The following ADAMTS19 variants were observed in gnomAD, a reference collection of about 807,000 sequenced individuals.
ADAMTS19 encodes A disintegrin and metalloproteinase with thrombospondin motifs 19.
Under a neutral mutation model 153.3 loss-of-function variants are expected in ADAMTS19, and 93 were observed. The ratio of observed to expected loss-of-function variants is 0.61; its 90% CI spans 0.51 to 0.72. ADAMTS19 has a LOEUF of 0.72. Ranked by LOEUF, ADAMTS19 falls within the 30% of genes least tolerant of loss-of-function variation. The pLI is 0.00. For synonymous variants in ADAMTS19, 600 were observed against 556.6 expected (o/e 1.08, Z -1.10); for missense variants, 1,482 against 1,552.1 (o/e 0.95, Z 0.76).
intron 21 of ADAMTS19, among the ~76,000 whole-genome samples, chr5:129,711,607 C>G: frequency 6.6e-6 from 1 of 151,760 alleles, no homozygotes; most frequent in East Asian, 1.9e-4. Flanking sequence ...ACCCAGGAGG[C>G]AGAGGTTGCA....
At chr5:129,510,567 A>G (rs2126727594) in intron 3 of ADAMTS19, among the ~76,000 whole-genome samples, 1 of 151,946 alleles carries the variant, frequency 6.6e-6, no homozygotes, top group South Asian at 2.1e-4. Flanking sequence ...AACAAGCAAA[A>G]GAAAAGCTTC....
intron 1 of ADAMTS19, 110 bp from the exon 2 acceptor site, chr5:129,460,992 A>G (rs1453529686): frequency 3.2e-6 from 4 of 1,244,942 alleles, no homozygotes; most frequent in Admixed American, 4.1e-5. Context: ...GGTGGTCTCC[A>G]TTGCATTCAA....
chr5:129,534,536 C>G (rs1000699149), intron 6 of ADAMTS19, among the ~76,000 whole-genome samples: 2 of 152,090 alleles, frequency 1.3e-5, no homozygotes, highest in African/African-American at 4.8e-5. Flanking sequence ...CTATTCCAAT[C>G]AATAGAAAAA....
chr5:129,570,367 T>C (rs1753853664), intron 7 of ADAMTS19, among the ~76,000 whole-genome samples: 1 of 151,876 alleles, frequency 6.6e-6, no homozygotes, highest in Admixed American at 6.6e-5. Context: ...AAACAAAACT[T>C]ATCCAAAATA....
chr5:129,702,064 A>G (rs1401992423), intron 20 of ADAMTS19, among the ~76,000 whole-genome samples: 1 of 152,214 alleles, frequency 6.6e-6, no homozygotes, highest in Non-Finnish European at 1.5e-5. Flanking sequence ...TAAGAGTAAT[A>G]TAGCTCAGAG....
At chr5:129,527,003 C>T (rs559990900) in intron 4 of ADAMTS19, among the ~76,000 whole-genome samples, 3 of 151,918 alleles carry the variant, frequency 2.0e-5, no homozygotes, top group South Asian at 2.1e-4. Context: ...CTATTATATA[C>T]GTATGTAAAA....
intron 7 of ADAMTS19, among the ~76,000 whole-genome samples, chr5:129,553,346 C>T (rs1272254548): frequency 6.6e-6 from 1 of 152,132 alleles, no homozygotes; most frequent in African/African-American, 2.4e-5. Context: ...GACAACAGAA[C>T]TTCACATCTT....
In ADAMTS19 at chr5:129,642,030, G is replaced by A. The variant is rs530546164; in HGVS notation, c.1872+70G>A. 7 of 895,486 alleles carry A rather than the reference G, an allele frequency of 7.8e-6. No individual in the cohort carries two copies. In the African/African-American group the frequency reaches 1.2e-4, roughly 15 times the overall value. The allele number at this position is 895,486 out of a possible 1,614,324, so 55.5% of individuals were successfully genotyped here. A position where few individuals can be genotyped will look rare whatever the true frequency, so the allele number is the denominator to read the frequency against. On this transcript the variant is annotated intron_variant, in intron 11 of 22. Transcript: ENST00000274487. ...AACTTGAGAATCTTGCATTTTCTCTGCCAGTTACATTTGTATTCATCTTAG... is the reference window on the plus strand; with the variant it reads ...AACTTGAGAATCTTGCATTTTCTCTACCAGTTACATTTGTATTCATCTTAG...
intron 7 of ADAMTS19, among the ~76,000 whole-genome samples, chr5:129,559,429 T>C (rs1035260397): frequency 6.6e-6 from 1 of 152,028 alleles, no homozygotes; most frequent in Non-Finnish European, 1.5e-5. Flanking sequence ...ACTTCATTAG[T>C]AGTAAAGGAA....
chr5:129,694,614 A>G (rs1405857808), intron 18 of ADAMTS19, 106 bp from the exon 19 acceptor site: 1 of 755,928 alleles, frequency 1.3e-6, no homozygotes, highest in Non-Finnish European at 1.8e-6. Flanking sequence ...TAAATTATAA[A>G]AAAGTTTTTT....
chr5:129,684,696 G>A (rs988131394), intron 18 of ADAMTS19, among the ~76,000 whole-genome samples: 1 of 152,104 alleles, frequency 6.6e-6, no homozygotes, highest in Admixed American at 6.5e-5. Context: ...TTGAATATAA[G>A]AATTATTTGG....
At chr5:129,580,969 C>T (rs1478079197) in intron 7 of ADAMTS19, among the ~76,000 whole-genome samples, 1 of 152,090 alleles carries the variant, frequency 6.6e-6, no homozygotes, top group East Asian at 1.9e-4. Context: ...GGGAGGAGTC[C>T]CTCCTTTTTC....
At chr5:129,594,321 CAT>C (rs1408222600) in intron 7 of ADAMTS19, among the ~76,000 whole-genome samples, 1 of 152,098 alleles carries the variant, frequency 6.6e-6, no homozygotes, top group Non-Finnish European at 1.5e-5. Context: ...AGGTATATGA[CAT>C]ATGATAACCC....
rs1164568987 is a variant in ADAMTS19, at chr5:129,461,051, A to G, written c.92-51A>G. 3.1e-6 allele frequency: 4 copies of G among 1,307,354 alleles called. No individual in the cohort carries two copies. The African/African-American group carries it at 4.6e-5, about 15-fold the overall frequency. 81.0% of individuals were successfully genotyped at this position (1,307,354 alleles called of 1,614,324 possible). ...CTGTGAGCTTGGAAATGTTTGTGCT[A>G]CTGGAACCGCGGCACTTTAAGCCCC... is the stretch of plus-strand genomic sequence containing the variant. On this transcript the variant is annotated intron_variant, in intron 1 of 22. Coordinates refer to ENST00000274487, the MANE Select transcript of ADAMTS19 (RefSeq NM_133638.6). This position sits in a 1 kb window ranked among gnomAD's most constrained non-coding sequence, Gnocchi z 4.6.
intron 18 of ADAMTS19, among the ~76,000 whole-genome samples, chr5:129,690,630 C>T (rs564922459): frequency 3.3e-5 from 5 of 152,066 alleles, no homozygotes; most frequent in African/African-American, 4.8e-5. Flanking sequence ...AAGTAAATGG[C>T]ATGACATGAT....
intron 21 of ADAMTS19, among the ~76,000 whole-genome samples, chr5:129,707,317 CT>C (rs1561661341): frequency 6.6e-6 from 1 of 152,108 alleles, no homozygotes; most frequent in Non-Finnish European, 1.5e-5. Context: ...CTGTTTGTTT[CT>C]TTGTTTGGTA....
intron 8 of ADAMTS19, among the ~76,000 whole-genome samples, chr5:129,615,211 AAG>A (rs1190054106): frequency 1.3e-5 from 2 of 152,140 alleles, no homozygotes; most frequent in African/African-American, 4.8e-5. Flanking sequence ...GGAACCAAAA[AAG>A]AGCCCACATT....
intron 8 of ADAMTS19, among the ~76,000 whole-genome samples, chr5:129,608,116 G>GTGTGTGTGTGTGTGTATATA (rs377008786): frequency 4.2e-5 from 2 of 47,928 alleles, no homozygotes; most frequent in Non-Finnish European, 9.9e-5. Context: ...GTGTGTGTGT[G>GTGTGTGTGTGTGTGTATATA]TATATATATA....
intron 8 of ADAMTS19, among the ~76,000 whole-genome samples, chr5:129,618,405 T>A (rs1751625894): frequency 6.6e-6 from 1 of 152,030 alleles, no homozygotes; most frequent in Admixed American, 6.6e-5. Flanking sequence ...GTTTTAGTTT[T>A]ATTTATACCA....
Sources: allele counts gnomAD v4.1 joint callset (sites outside exome capture counted in the v4.1 genomes callset), GRCh38; gene constraint gnomAD v4.1.1; non-coding constraint Gnocchi (gnomAD v3.1); transcripts MANE v1.5; gene names NCBI Gene and HGNC (gene_info 2026-07-23, HGNC 2026-07-21).